The following GFOD1 variants were observed in gnomAD, a reference collection of about 807,000 sequenced individuals.
The protein encoded by GFOD1 is glucose-fructose oxidoreductase domain-containing protein 1.
In GFOD1, 9 loss-of-function variants were observed where a neutral mutation model predicts 25.4. The observed-to-expected ratio is 0.35, with a 90% CI of 0.21 to 0.62. The LOEUF (loss-of-function observed/expected upper bound fraction) is 0.62. GFOD1 is among the 20% of genes least tolerant of loss of function. GFOD1 has a pLI of 0.72. For synonymous variants in GFOD1, 253 were observed against 245.6 expected, an observed-to-expected ratio of 1.03 and a Z score of -0.28; for missense variants, 403 against 556.9, an observed-to-expected ratio of 0.72 and a Z score of 2.78.
chr6:13,483,622 G>A (rs1012804082), intron 1 of GFOD1, among the ~76,000 whole-genome samples: 1 of 152,168 alleles, frequency 6.6e-6, no homozygotes, highest in African/African-American at 2.4e-5. Context: ...ACTTCTATGG[G>A]GAACAGACAC....
At chr6:13,408,343 C>T (rs1266994337) in intron 1 of GFOD1, among the ~76,000 whole-genome samples, 1 of 152,220 alleles carries the variant, frequency 6.6e-6, no homozygotes, top group Non-Finnish European at 1.5e-5. Context: ...TAGAAGCTTC[C>T]CCTTGTTCCT....
intron 1 of GFOD1, among the ~76,000 whole-genome samples, chr6:13,429,060 T>C (rs1419292835): frequency 6.6e-6 from 1 of 152,160 alleles, no homozygotes; most frequent in Non-Finnish European, 1.5e-5. Context: ...GCCCAGGTCA[T>C]ATATTTACTA....
chr6:13,416,113 G>C (rs1055955200), intron 1 of GFOD1, among the ~76,000 whole-genome samples: 1 of 152,198 alleles, frequency 6.6e-6, no homozygotes, highest in Non-Finnish European at 1.5e-5. Context: ...TGGTTTAAAA[G>C]TGTTTGGCCA....
chr6:13,470,267 C>A (rs773471002), intron 1 of GFOD1: 1 of 1,592,712 alleles, frequency 6.3e-7, no homozygotes, highest in East Asian at 2.2e-5. Flanking sequence ...CACATCCCTC[C>A]TGGAATCCCC....
chr6:13,420,810 G>A (rs1203469983), intron 1 of GFOD1, among the ~76,000 whole-genome samples: 2 of 152,154 alleles, frequency 1.3e-5, no homozygotes, highest in East Asian at 3.9e-4. Context: ...CCTTTGTGAG[G>A]GAGTATAACA....
chr6:13,381,379 A>G (rs1411844278), intron 1 of GFOD1, among the ~76,000 whole-genome samples: 1 of 152,128 alleles, frequency 6.6e-6, no homozygotes, highest in Non-Finnish European at 1.5e-5. Flanking sequence ...CTAGGAGTTA[A>G]GTTTTCATAT....
intron 1 of GFOD1, among the ~76,000 whole-genome samples, chr6:13,459,952 G>A (rs1297921733): frequency 6.6e-6 from 1 of 152,112 alleles, no homozygotes; most frequent in Non-Finnish European, 1.5e-5. Context: ...TGGCCAACAT[G>A]GTGAAACCCC....
At chr6:13,486,093 C>G in intron 1 of GFOD1, 9 of 986,412 alleles carry the variant, frequency 9.1e-6, no homozygotes, top group Non-Finnish European at 1.1e-5. Context: ...AAGAAACAAA[C>G]GACCCTAGCA....
chr6:13,427,012 G>T (rs2127569419), intron 1 of GFOD1, among the ~76,000 whole-genome samples: 1 of 152,318 alleles, frequency 6.6e-6, no homozygotes, highest in East Asian at 1.9e-4. Context: ...CACAGTTATT[G>T]TGATGAGCGT....
chr6:13,409,124 A>G (rs1030578004), intron 1 of GFOD1, among the ~76,000 whole-genome samples: 2 of 59,700 alleles, frequency 3.4e-5, no homozygotes, highest in Non-Finnish European at 9.1e-5. Flanking sequence ...AAAGAAAGAA[A>G]GAAAGAAAGA....
intron 1 of GFOD1, among the ~76,000 whole-genome samples, chr6:13,434,184 C>T (rs1486240838): frequency 2.6e-5 from 4 of 151,606 alleles, no homozygotes; most frequent in African/African-American, 9.7e-5. Context: ...TATGGGAACA[C>T]AGGAATCAAG....
intron 1 of GFOD1, among the ~76,000 whole-genome samples, chr6:13,429,427 C>A (rs1039234798): frequency 3.3e-5 from 5 of 152,212 alleles, no homozygotes; most frequent in African/African-American, 1.2e-4. Context: ...GAATGCCTAT[C>A]GAATGCAAAG....
chr6:13,440,650 GGCAGC>G (rs1393615152), intron 1 of GFOD1, among the ~76,000 whole-genome samples: 2 of 152,144 alleles, frequency 1.3e-5, no homozygotes, highest in Admixed American at 1.3e-4. Context: ...TGGGTCTCCT[GGCAGC>G]AATTTTGCTA....
chr6:13,459,067 G>T (rs1308826391), intron 1 of GFOD1, among the ~76,000 whole-genome samples: 3 of 152,184 alleles, frequency 2.0e-5, no homozygotes, highest in African/African-American at 7.2e-5. Flanking sequence ...GAGGTCTAAC[G>T]GTAGGTGCCA....
intron 1 of GFOD1, chr6:13,408,001 T>G: frequency 4.1e-6 from 4 of 985,178 alleles, no homozygotes; most frequent in Non-Finnish European, 3.6e-6. Context: ...TGGGAGCACT[T>G]GGCTTTGCTC....
At chr6:13,409,535 T>C (rs1402640580) in intron 1 of GFOD1, among the ~76,000 whole-genome samples, 1 of 152,202 alleles carries the variant, frequency 6.6e-6, no homozygotes. Context: ...GTAGGAAGGA[T>C]AGATTTACAA....
At chr6:13,453,604 A>C (rs140964364) in intron 1 of GFOD1, among the ~76,000 whole-genome samples, 1 of 152,366 alleles carries the variant, frequency 6.6e-6, no homozygotes, top group Non-Finnish European at 1.5e-5. Flanking sequence ...CTATATTCCC[A>C]TAACTTTAAA....
At position 13,419,227 on chromosome 6, in the gene GFOD1, A is replaced by G. The variant is rs138059495; in HGVS notation, c.254-53565T>C. Among the ~76,000 whole-genome samples the G allele has an allele frequency of 5.5e-4, 84 of 152,332 alleles. 1 individual carries two copies. Among genetic ancestry groups the G allele is most frequent in the Non-Finnish European group, 1.1e-3 (76 of 68,026 alleles). On this transcript the variant is annotated intron_variant, in intron 1 of 1. Coordinates refer to ENST00000379287, the MANE Select transcript of GFOD1 (RefSeq NM_018988.4). The stretch of plus-strand genomic sequence containing the variant: ...CCAAAACGAGATGGAGGCAAGGATT[A>G]TTAAAAACTATGACTGAGATCTGGA...
chr6:13,483,921 G>C (rs1758810329), intron 1 of GFOD1, among the ~76,000 whole-genome samples: 1 of 152,184 alleles, frequency 6.6e-6, no homozygotes, highest in Admixed American at 6.5e-5. Flanking sequence ...GAAATGAAAT[G>C]CTTTATACAC....
Sources: gnomAD v4.1 joint callset for allele counts (sites outside exome capture counted in the v4.1 genomes callset) on GRCh38, gnomAD v4.1.1 for gene constraint, MANE v1.5 for transcripts, NCBI Gene and HGNC (gene_info 2026-07-23, HGNC 2026-07-21) for gene names.